Variants in LCN8 observed in about 807,000 individuals in gnomAD.
The protein encoded by LCN8 is lipocalin 8.
LCN8 carries 16 observed loss-of-function variants against 22.8 expected under a neutral mutation model. The ratio of observed to expected loss-of-function variants is 0.70; its 90% CI spans 0.47 to 1.06. The LOEUF (loss-of-function observed/expected upper bound fraction) is 1.06, where lower values mean the gene tolerates loss of function less well. LCN8 is among the 50% of genes least tolerant of loss of function. The pLI, the probability that LCN8 is intolerant of heterozygous loss-of-function variation, is 0.00. For synonymous variants in LCN8, 92 were observed against 83.4 expected, an observed-to-expected ratio of 1.10 and a Z score of -0.56; for missense variants, 189 against 203.3, an observed-to-expected ratio of 0.93 and a Z score of 0.43.
chr9:136,756,436 A>C (rs1298084991), intron 3 of LCN8, 86 bp downstream of exon 3: 1 of 1,612,300 alleles, frequency 6.2e-7, no homozygotes, highest in African/African-American at 1.3e-5. Context: ...CATGGGGAAC[A>C]GTGCAGGGAA....
At chr9:136,754,840 G>T in intron 6 of LCN8, 6 of 1,348,182 alleles carry the variant, frequency 4.5e-6, no homozygotes, top group African/African-American at 1.5e-5. Flanking sequence ...AAGAAAAGGC[G>T]CCATTTCTGC....
chr9:136,755,230 G>A lies in LCN8; in HGVS notation c.421+14C>T. Reference sequence around the variant, plus strand: ...GGCCCAGCCCAGCCTCCACCCCAAGGCCCCTGGGCTCACCAGGCCGGGCCG... The same window carrying A: ...GGCCCAGCCCAGCCTCCACCCCAAGACCCCTGGGCTCACCAGGCCGGGCCG... On this transcript the variant is annotated intron_variant, in intron 5 of 6. Transcript: ENST00000371688. The A allele has an allele frequency of 6.2e-6, 10 of 1,612,380 alleles. No individual in the cohort carries two copies. The highest frequency in any genetic ancestry group is 8.5e-6 in the Non-Finnish European group (10 of 1,179,606).
At position 136,758,027 on chromosome 9, in the gene LCN8, G is replaced by A; in HGVS notation, c.-97C>T. 6.4e-7 allele frequency: 1 copy of A among 1,562,556 alleles called. No individual in the cohort carries two copies. ...CGGGGTCCGGGCTCCGGGTTCCCCT[G>A]CTGCACAGCCTGGGCCGATTCTATA... On this transcript the variant is annotated 5_prime_UTR_variant, in exon 1 of 7. Transcript: ENST00000371688.
At chr9:136,758,462 T>C, upstream of LCN8, 1 of 991,734 alleles carries the variant, frequency 1.0e-6, no homozygotes, top group Non-Finnish European at 1.2e-6. Context: ...CAGTGGGCAG[T>C]CAGAGCTCCG....
Position 136,756,904 on chromosome 9 carries a change from C to T in LCN8, c.155+134G>A, listed in dbSNP as rs182897885. ...CCTGGGGGTCGAGGGCTCAGGCAGA[C>T]GGGCACCGGGAGTGCTGGCCCACCA... On this transcript the variant is annotated intron_variant, in intron 2 of 6. Transcript: ENST00000371688. 2.3e-4 allele frequency: 241 copies of T among 1,058,150 alleles called. No homozygotes were observed. In the African/African-American group the frequency reaches 3.3e-3, roughly 15 times the overall value. The allele number at this position is 1,058,150 out of a possible 1,614,324, so 65.5% of individuals were successfully genotyped here.
intron 6 of LCN8, 146 bp from the exon 7 acceptor site, chr9:136,754,655 C>A: frequency 1.4e-6 from 2 of 1,436,062 alleles, no homozygotes; most frequent in South Asian, 1.5e-5. Context: ...TCTCAATCTG[C>A]AAAATGGGGT....
intron 6 of LCN8, 32 bp from the exon 7 acceptor site, chr9:136,754,541 G>A (rs537523270): frequency 2.1e-5 from 33 of 1,549,242 alleles, no homozygotes; most frequent in South Asian, 3.6e-5. Context: ...GCTCAGGCCC[G>A]TGTGGTCTCT....
In LCN8 at chr9:136,755,317, G is replaced by C. The variant is rs1197437854; in HGVS notation, c.348C>G (p.Asp116Glu). 1 of 1,610,240 alleles carries C rather than the reference G, an allele frequency of 6.2e-7. No homozygotes were observed. Among genetic ancestry groups the C allele is most frequent in the Admixed American group, 1.7e-5 (1 of 60,032 alleles). ...VLKYFTRSLE[D>E]KDRLGFWKFR... is the part of the protein sequence containing the mutation. Reference sequence around the variant, plus strand: ...ACTTCCAGAACCCCAGCCGGTCCTTGTCCTCAAGGCTCCGAGCTGTGGGGC... The same window carrying C: ...ACTTCCAGAACCCCAGCCGGTCCTTCTCCTCAAGGCTCCGAGCTGTGGGGC... The change falls in exon 5 of 7, where the codon GAC becomes GAG. Residue 116 changes from aspartate to glutamate, a missense_variant. Asp to Glu is a conservative substitution (Grantham distance 45, BLOSUM62 2). Coordinates refer to ENST00000371688, the MANE Select transcript of LCN8 (RefSeq NM_178469.4).
In LCN8 at chr9:136,758,166, G is replaced by T; in HGVS notation, c.-236C>A. On this transcript the variant is annotated 5_prime_UTR_variant, in exon 1 of 7. Transcript: ENST00000371688. ...CGCCATCGGCCCTGGTGACACCCAC[G>T]CCCACCGCAGGGGTTAGCCTGGCCT... is the stretch of plus-strand genomic sequence containing the variant. 7.0e-7 allele frequency: 1 copy of T among 1,429,128 alleles called. No individual in the cohort carries two copies. 88.5% of individuals were successfully genotyped at this position (1,429,128 alleles called of 1,614,324 possible). A position where few individuals can be genotyped will look rare whatever the true frequency, so the allele number is the denominator to read the frequency against.
rs185840988 is a variant in LCN8, at chr9:136,756,512, C to A, written c.226+10G>T. On this transcript the variant is annotated intron_variant, in intron 3 of 6. Transcript: ENST00000371688. The stretch of plus-strand genomic sequence containing the variant: ...GGTTCCACCTGCCATCACAGGGCAA[C>A]TGCACTTACCAGGAAAAGCGAATTT... 49 of 1,614,160 alleles carry A rather than the reference C, an allele frequency of 3.0e-5. No homozygotes were observed. In the African/African-American group the frequency reaches 5.3e-4, roughly 18 times the overall value.
At chr9:136,757,635 A>G in intron 1 of LCN8, 1 of 1,418,342 alleles carries the variant, frequency 7.1e-7, no homozygotes, top group Non-Finnish European at 9.2e-7. Flanking sequence ...ACCCGCCCAG[A>G]GCCGGGACTT....
intron 1 of LCN8, chr9:136,757,486 C>A: frequency 7.4e-7 from 1 of 1,349,734 alleles, no homozygotes; most frequent in Non-Finnish European, 9.5e-7. Flanking sequence ...ACCTCGGAGG[C>A]AGGACCCAGG....
intron 6 of LCN8, 183 bp from the exon 7 acceptor site, chr9:136,754,692 C>T (rs891040955): frequency 7.1e-6 from 10 of 1,417,446 alleles, no homozygotes; most frequent in Non-Finnish European, 9.2e-6. Context: ...AGGGCCAAGA[C>T]AAAGCGAGGT....
Position 136,755,156 on chromosome 9 carries a change from C to A in LCN8, c.426G>T (p.Arg142=). The A allele has an allele frequency of 6.3e-7, 1 of 1,594,376 alleles. No homozygotes were observed. The highest frequency in any genetic ancestry group is 8.6e-7 in the Non-Finnish European group (1 of 1,169,508). ...TGLYLAARPG[R]CAELLKEELI ...TCACCTCCTTCAGGAGCTCGGCACACCGCCCTGCAGGATAGGCCAGCATGA... is the reference window on the plus strand; with the variant it reads ...TCACCTCCTTCAGGAGCTCGGCACAACGCCCTGCAGGATAGGCCAGCATGA... The change falls in exon 6 of 7, where the codon CGG becomes CGT. Residue 142 remains arginine, a synonymous_variant. Transcript: ENST00000371688.
rs1247614443 is a variant in LCN8 at position 136,758,081 on chromosome 9, G to A, written c.-151C>T. The A allele has an allele frequency of 1.5e-5, 22 of 1,487,852 alleles. No homozygotes were observed. The highest frequency in any genetic ancestry group is 2.4e-4 in the Middle Eastern group (1 of 4,166). 92.2% of individuals were successfully genotyped at this position (1,487,852 alleles called of 1,614,324 possible). On this transcript the variant is annotated 5_prime_UTR_variant, in exon 1 of 7. Transcript: ENST00000371688. Reference sequence around the variant, plus strand: ...ACAGTGCAGGCTTGTGCGCCCACCCGGGAATGTCATCAGGACAGCTTGGCT... The same window carrying A: ...ACAGTGCAGGCTTGTGCGCCCACCCAGGAATGTCATCAGGACAGCTTGGCT...
upstream of LCN8, chr9:136,758,391 A>G: frequency 9.9e-7 from 1 of 1,011,068 alleles, no homozygotes. Context: ...GCAACGGACC[A>G]GAGCCTCCAG....
chr9:136,756,244 C>A (rs577281342), intron 3 of LCN8: 2 of 1,302,798 alleles, frequency 1.5e-6, no homozygotes, highest in Non-Finnish European at 2.0e-6. Context: ...GTGCAGGGAA[C>A]GCATGGGGAA....
intron 1 of LCN8, chr9:136,757,546 G>A (rs979950534): frequency 1.1e-5 from 15 of 1,367,554 alleles, no homozygotes; most frequent in African/African-American, 2.9e-5. Context: ...AGTGAGAAAC[G>A]CCAGAGAACA....
At chr9:136,754,824 A>T in intron 6 of LCN8, 1 of 1,348,674 alleles carries the variant, frequency 7.4e-7, no homozygotes, top group East Asian at 2.8e-5. Flanking sequence ...CCTGCACAGA[A>T]CACCGAAGAA....
Sources: gnomAD v4.1 joint callset for allele counts on GRCh38, gnomAD v4.1.1 for gene constraint, MANE v1.5 for transcripts, NCBI Gene and HGNC (gene_info 2026-07-23, HGNC 2026-07-21) for gene names.